PPFIBP1: variants seen among roughly 807,000 people sequenced by gnomAD.
PPFIBP1 encodes the protein liprin-beta-1.
In PPFIBP1, 112 loss-of-function variants were observed where a neutral mutation model predicts 137.8. The observed-to-expected ratio is 0.81, with a 90% CI of 0.70 to 0.95. PPFIBP1 has a LOEUF of 0.95. Ranked by LOEUF, PPFIBP1 falls within the 40% of genes least tolerant of loss-of-function variation. The probability of loss-of-function intolerance (pLI) is 0.00; values close to 1 mark genes in which losing one functional copy is unlikely to be tolerated. For synonymous variants in PPFIBP1, 378 were observed against 417.3 expected (o/e 0.91, Z 1.15); for missense variants, 1,083 against 1,196.6 (o/e 0.91, Z 1.40).
Position 27,614,327 on chromosome 12 carries a change from C to T in PPFIBP1, c.-35-19035C>T, listed in dbSNP as rs375641358. ...CCAGGAGGTTGAGGCTGCAGTGAGCCGTGCGTGATTGGGCCACCGCACTCC... is the reference window on the plus strand; with the variant it reads ...CCAGGAGGTTGAGGCTGCAGTGAGCTGTGCGTGATTGGGCCACCGCACTCC... On this transcript the variant is annotated intron_variant, in intron 2 of 29. Coordinates refer to ENST00000228425, the MANE Select transcript of PPFIBP1 (RefSeq NM_003622.4). Among the ~76,000 whole-genome samples, 11 of 152,002 alleles carry T rather than the reference C, an allele frequency of 7.2e-5. 1 individual carries two copies. The highest frequency in any genetic ancestry group is 1.9e-4 in the African/African-American group (8 of 41,436).
chr12:27,634,184 T>C (rs1476864073), intron 3 of PPFIBP1, among the ~76,000 whole-genome samples: 2 of 150,358 alleles, frequency 1.3e-5, no homozygotes, highest in African/African-American at 2.5e-5. Flanking sequence ...TCTTGCTATG[T>C]TTCTCAAGCT....
intron 15 of PPFIBP1, among the ~76,000 whole-genome samples, chr12:27,672,970 T>C (rs547999477): frequency 8.4e-3 from 4 of 478 alleles, no homozygotes; most frequent in African/African-American, 9.8e-3. Context: ...AAATGAGATC[T>C]TTTCTTTCTC....
intron 17 of PPFIBP1, 29 bp downstream of exon 17, chr12:27,674,250 A>C (rs576098776): frequency 6.5e-7 from 1 of 1,550,042 alleles, no homozygotes; most frequent in South Asian, 1.2e-5. Context: ...TACAATGCAA[A>C]AATATTTCTA....
At chr12:27,558,495 C>CACAAACATACACACACGCT (rs71039820) in intron 1 of PPFIBP1, among the ~76,000 whole-genome samples, 1 of 111,466 alleles carries the variant, frequency 9.0e-6, no homozygotes, top group African/African-American at 3.7e-5. Context: ...CACACACACA[C>CACAAACATACACACACGCT]GATATTCTAT....
chr12:27,648,222 A>G (rs1157661683), intron 6 of PPFIBP1, among the ~76,000 whole-genome samples: 1 of 152,204 alleles, frequency 6.6e-6, no homozygotes, highest in Non-Finnish European at 1.5e-5. Context: ...GAAGACATAC[A>G]AATGGCAAAC....
At chr12:27,664,919 G>C (rs2059770236) in intron 12 of PPFIBP1, among the ~76,000 whole-genome samples, 1 of 152,170 alleles carries the variant, frequency 6.6e-6, no homozygotes. Context: ...CAGGCGTGGT[G>C]GCCTACGGCT....
At chr12:27,583,935 C>T (rs1450178535) in intron 2 of PPFIBP1, among the ~76,000 whole-genome samples, 2 of 152,154 alleles carry the variant, frequency 1.3e-5, no homozygotes, top group Non-Finnish European at 2.9e-5. Flanking sequence ...GTTTTTTGCA[C>T]TCTTTACTTG....
chr12:27,593,933 TCA>T, intron 2 of PPFIBP1: 1 of 1,486,934 alleles, frequency 6.7e-7, no homozygotes, highest in Non-Finnish European at 8.9e-7. Flanking sequence ...GGTTGTGTCC[TCA>T]CAGGGGGTGT....
chr12:27,613,313 T>C (rs1224963640), intron 2 of PPFIBP1, among the ~76,000 whole-genome samples: 1 of 152,240 alleles, frequency 6.6e-6, no homozygotes, highest in Non-Finnish European at 1.5e-5. Context: ...GTAAGAAACC[T>C]TGGATATTAC....
chr12:27,674,031 G>A (rs1054558407), intron 16 of PPFIBP1, among the ~76,000 whole-genome samples, 161 bp from the exon 17 acceptor site: 1 of 152,110 alleles, frequency 6.6e-6, no homozygotes, highest in Non-Finnish European at 1.5e-5. Flanking sequence ...AACCAAAAAT[G>A]GAGACTTTAA....
At chr12:27,605,553 A>T (rs2054443324) in intron 2 of PPFIBP1, among the ~76,000 whole-genome samples, 1 of 152,150 alleles carries the variant, frequency 6.6e-6, no homozygotes, top group Non-Finnish European at 1.5e-5. Flanking sequence ...TAATTTTTTG[A>T]TGTTTTATTT....
At chr12:27,530,805 G>A (rs554862311) in intron 1 of PPFIBP1, among the ~76,000 whole-genome samples, 1 of 152,318 alleles carries the variant, frequency 6.6e-6, no homozygotes, top group Admixed American at 6.5e-5. Flanking sequence ...GAGCTTGCCT[G>A]TTAAGCCTTT....
chr12:27,671,266 CCTT>C (rs796592579), intron 13 of PPFIBP1, among the ~76,000 whole-genome samples, 162 bp from the exon 14 acceptor site: 8 of 152,340 alleles, frequency 5.3e-5, no homozygotes, highest in African/African-American at 1.7e-4. Context: ...GATTAGTACT[CCTT>C]CTATATAGAT....
intron 1 of PPFIBP1, among the ~76,000 whole-genome samples, chr12:27,540,670 C>T (rs560101091): frequency 6.6e-6 from 1 of 152,298 alleles, no homozygotes; most frequent in South Asian, 2.1e-4. Context: ...TTGTCAGCTG[C>T]CCCAAAGCTT....
At chr12:27,546,171 T>C (rs1249246182) in intron 1 of PPFIBP1, among the ~76,000 whole-genome samples, 1 of 152,100 alleles carries the variant, frequency 6.6e-6, no homozygotes, top group Admixed American at 6.6e-5. Context: ...TGGAGAAACA[T>C]GTAGATAAGT....
chr12:27,685,660 G>T (rs765132625), intron 24 of PPFIBP1, among the ~76,000 whole-genome samples: 52 of 152,036 alleles, frequency 3.4e-4, no homozygotes, highest in Non-Finnish European at 6.6e-4. Context: ...GTGTTTTAAT[G>T]TGGATTAGAT....
chr12:27,589,892 T>C (rs2052283060), intron 2 of PPFIBP1, among the ~76,000 whole-genome samples: 1 of 152,230 alleles, frequency 6.6e-6, no homozygotes, highest in African/African-American at 2.4e-5. Context: ...AAATTTTCAA[T>C]TTAGTTTCTG....
chr12:27,593,668 T>C (rs573784396), intron 2 of PPFIBP1: 1 of 546,838 alleles, frequency 1.8e-6, no homozygotes, highest in Non-Finnish European at 3.3e-6. Context: ...ACAGATAGTT[T>C]TGTCCTCTCT....
At chr12:27,536,355 C>T (rs1185164077) in intron 1 of PPFIBP1, among the ~76,000 whole-genome samples, 1 of 152,182 alleles carries the variant, frequency 6.6e-6, no homozygotes, top group Non-Finnish European at 1.5e-5. Context: ...ATTTGGCTCA[C>T]GGTTCTGCAG....
Sources: allele counts gnomAD v4.1 joint callset (sites outside exome capture counted in the v4.1 genomes callset), GRCh38; gene constraint gnomAD v4.1.1; transcripts MANE v1.5; gene names NCBI Gene and HGNC (gene_info 2026-07-23, HGNC 2026-07-21).